CPSF3: variants seen among roughly 807,000 people sequenced by gnomAD.
The protein encoded by CPSF3 is cleavage and polyadenylation specificity factor subunit 3.
A neutral mutation model predicts 84.1 loss-of-function variants in CPSF3; 57 were observed. The observed-to-expected ratio is 0.68, with a 90% CI of 0.55 to 0.85. The LOEUF is 0.85. Ranked by LOEUF, CPSF3 falls within the 40% of genes least tolerant of loss-of-function variation. CPSF3 has a pLI of 0.00. For synonymous variants in CPSF3, 275 were observed against 278.1 expected, an observed-to-expected ratio of 0.99 and a Z score of 0.11; for missense variants, 522 against 838.8, an observed-to-expected ratio of 0.62 and a Z score of 4.66.
intron 10 of CPSF3, among the ~76,000 whole-genome samples, chr2:9,446,965 CCTTGTCTCT>C (rs1031458603): frequency 1.7e-4 from 26 of 151,996 alleles, no homozygotes; most frequent in Non-Finnish European, 3.2e-4. Flanking sequence ...CATAGTGAGA[CCTTGTCTCT>C]ACAAGAATAA....
intron 3 of CPSF3, among the ~76,000 whole-genome samples, chr2:9,430,420 C>G (rs1354283150): frequency 4.6e-5 from 7 of 151,832 alleles, no homozygotes. Context: ...AAGACAGTGA[C>G]CTCAGGGAGA....
At chr2:9,448,399 A>G in intron 11 of CPSF3, 49 bp downstream of exon 11, 1 of 1,455,056 alleles carries the variant, frequency 6.9e-7, no homozygotes, top group Non-Finnish European at 9.3e-7. Context: ...TTTCTTCAGG[A>G]AAGACTGTAC....
In CPSF3 at chr2:9,430,733, C is replaced by T. The variant is rs184368092; in HGVS notation, c.213-19C>T. 23 of 1,593,312 alleles carry T rather than the reference C, an allele frequency of 1.4e-5. 1 individual carries two copies. The Admixed American group carries it at 1.9e-4, about 13-fold the overall frequency. On this transcript the variant is annotated intron_variant, in intron 3 of 17. Transcript: ENST00000238112. ...TGGATAATAATTTTAAGAATTAATG[C>T]AGCCTCTTTCTTTTTAAGTTTCCAT...
chr2:9,429,132 A>T (rs1680490748), intron 2 of CPSF3, among the ~76,000 whole-genome samples: 1 of 152,204 alleles, frequency 6.6e-6, no homozygotes, highest in Non-Finnish European at 1.5e-5. Flanking sequence ...CCAGTGGAAG[A>T]TCCCAAGGGC....
chr2:9,423,992 A>T, intron 1 of CPSF3, 169 bp downstream of exon 1: 1 of 1,425,570 alleles, frequency 7.0e-7, no homozygotes. Context: ...AGGACCGTTG[A>T]TCGGAAGGGG....
intron 16 of CPSF3, among the ~76,000 whole-genome samples, chr2:9,468,374 G>A (rs551937254): frequency 2.5e-4 from 38 of 152,090 alleles, no homozygotes; most frequent in Admixed American, 2.4e-3. Flanking sequence ...TCACAGGCTC[G>A]CAACACCATG....
At chr2:9,425,987 A>C (rs1680376693) in intron 1 of CPSF3, among the ~76,000 whole-genome samples, 1 of 152,222 alleles carries the variant, frequency 6.6e-6, no homozygotes, top group South Asian at 2.1e-4. Flanking sequence ...CATTTCATGT[A>C]AGTGTGATCA....
chr2:9,447,054 T>C (rs762290741), intron 10 of CPSF3, among the ~76,000 whole-genome samples: 7 of 151,458 alleles, frequency 4.6e-5, no homozygotes, highest in Non-Finnish European at 7.4e-5. Context: ...GGTGGGAGGA[T>C]TGTATAAGCC....
Position 9,443,660 on chromosome 2 carries a change from T to C in CPSF3, c.1241T>C (p.Val414Ala). ...EFIRALKPPH[V>A]ILVHGEQNEM... ...ATTCGTGCTTTGAAACCGCCTCATG[T>C]GGTTAGTCTATGAATTTCATTTATT... is the stretch of plus-strand genomic sequence containing the variant. Residue 414 changes from valine to alanine, a missense_variant and splice_region_variant, in exon 10 of 18, where the codon GTG becomes GCG. This residue lies in a region of CPSF3 where 329 missense variants were observed against 607.2 expected (regional missense o/e 0.54). Transcript: ENST00000238112. 6.2e-7 allele frequency: 1 copy of C among 1,613,678 alleles called. No homozygotes were observed. Among genetic ancestry groups the C allele is most frequent in the South Asian group, 1.1e-5 (1 of 91,038 alleles).
intron 11 of CPSF3, among the ~76,000 whole-genome samples, chr2:9,452,148 G>T (rs941247524): frequency 3.3e-5 from 5 of 152,042 alleles, no homozygotes; most frequent in African/African-American, 9.7e-5. Flanking sequence ...GGCCAATGTG[G>T]TGAAGCCCCA....
intron 9 of CPSF3, 49 bp from the exon 10 acceptor site, chr2:9,443,466 C>T (rs747979949): frequency 3.9e-6 from 6 of 1,541,506 alleles, no homozygotes; most frequent in South Asian, 2.4e-5. Flanking sequence ...TGTACCTTTA[C>T]GATTATAACT....
intron 15 of CPSF3, among the ~76,000 whole-genome samples, chr2:9,463,059 G>A (rs1261500573): frequency 6.6e-6 from 1 of 152,200 alleles, no homozygotes; most frequent in African/African-American, 2.4e-5. Flanking sequence ...AAGTGCTTAG[G>A]AAACATCAGT....
intron 10 of CPSF3, among the ~76,000 whole-genome samples, chr2:9,446,619 C>T (rs1681135985): frequency 6.7e-6 from 1 of 148,850 alleles, no homozygotes; most frequent in Non-Finnish European, 1.5e-5. Flanking sequence ...ATTAGGTAGG[C>T]ATGGTGGTTC....
At chr2:9,448,724 T>C (rs1184306337) in intron 11 of CPSF3, among the ~76,000 whole-genome samples, 2 of 152,254 alleles carry the variant, frequency 1.3e-5, no homozygotes, top group East Asian at 3.9e-4. Flanking sequence ...GCCCAGCTAA[T>C]GTTTGCATCT....
At chr2:9,440,915 G>A (rs994554619) in intron 8 of CPSF3, among the ~76,000 whole-genome samples, 1 of 152,224 alleles carries the variant, frequency 6.6e-6, no homozygotes, top group African/African-American at 2.4e-5. Flanking sequence ...CCTCTTGCTG[G>A]AGTCTTACCG....
intron 1 of CPSF3, chr2:9,424,132 C>A (rs556870293): frequency 1.3e-5 from 15 of 1,118,376 alleles, no homozygotes; most frequent in Non-Finnish European, 1.6e-5. Context: ...TTTCACTTAG[C>A]ACAAGCACGG....
At chr2:9,453,317 G>C (rs753518967) in intron 12 of CPSF3, among the ~76,000 whole-genome samples, 20 of 152,116 alleles carry the variant, frequency 1.3e-4, no homozygotes, top group Non-Finnish European at 2.4e-4. Flanking sequence ...TTTCTGAAGT[G>C]ACTTTGGATT....
intron 15 of CPSF3, among the ~76,000 whole-genome samples, chr2:9,464,515 A>AT (rs1449611976): frequency 2.6e-5 from 4 of 151,864 alleles, no homozygotes; most frequent in African/African-American, 9.7e-5. Context: ...AAAGTATAAA[A>AT]TTCTGTTATA....
chr2:9,472,306 C>T (rs868433539), intron 17 of CPSF3, among the ~76,000 whole-genome samples: 8 of 133,706 alleles, frequency 6.0e-5, no homozygotes, highest in African/African-American at 1.5e-4. Flanking sequence ...GGCGACAGAG[C>T]GAGATTCTGT....
Sources: allele counts gnomAD v4.1 joint callset (sites outside exome capture counted in the v4.1 genomes callset), GRCh38; gene constraint gnomAD v4.1.1; regional missense constraint gnomAD v4.1.1; transcripts MANE v1.5; gene names NCBI Gene and HGNC (gene_info 2026-07-23, HGNC 2026-07-21).